Variants in NAV2 observed in about 807,000 individuals in gnomAD.
The protein encoded by NAV2 is neuron navigator 2, also known as helicase, APC down-regulated 1.
In NAV2, 54 loss-of-function variants were observed where a neutral mutation model predicts 223.2. That is an observed-to-expected ratio of 0.24 (90% CI 0.19 to 0.30). The LOEUF is 0.30. NAV2 is among the 10% of genes least tolerant of loss of function. The probability of loss-of-function intolerance (pLI) is 1.00; values close to 1 mark genes in which losing one functional copy is unlikely to be tolerated. For synonymous variants in NAV2, 1,279 were observed against 1,239.3 expected, an observed-to-expected ratio of 1.03 and a Z score of -0.67; for missense variants, 2,806 against 3,147.5, an observed-to-expected ratio of 0.89 and a Z score of 2.60.
chr11:19,755,581 A>G (rs535649777), intron 1 of NAV2, among the ~76,000 whole-genome samples: 2 of 152,320 alleles, frequency 1.3e-5, no homozygotes, highest in East Asian at 1.9e-4. Flanking sequence ...GACTCGCTCT[A>G]TGCTTCTCTC....
At chr11:19,381,878 T>C (rs568670922) in intron 1 of NAV2, among the ~76,000 whole-genome samples, 3 of 152,224 alleles carry the variant, frequency 2.0e-5, no homozygotes, top group Admixed American at 2.0e-4. Flanking sequence ...AGAGGGGCCG[T>C]TTCTGGGTTT....
At chr11:19,859,813 G>T (rs1199173968) in intron 3 of NAV2, among the ~76,000 whole-genome samples, 1 of 143,382 alleles carries the variant, frequency 7.0e-6, no homozygotes, top group Non-Finnish European at 1.5e-5. Context: ...CTGGCCGGGC[G>T]GGGGGCTGAC....
chr11:19,364,198 T>C (rs1162692895), intron 1 of NAV2, among the ~76,000 whole-genome samples: 1 of 152,104 alleles, frequency 6.6e-6, no homozygotes, highest in African/African-American at 2.4e-5. Flanking sequence ...GCTTGAAAAA[T>C]GCTTGTTATG....
chr11:19,575,045 C>T (rs1242640332), intron 1 of NAV2, among the ~76,000 whole-genome samples: 1 of 152,202 alleles, frequency 6.6e-6, no homozygotes, highest in African/African-American at 2.4e-5. Context: ...CTTTGCACTT[C>T]CAGCCCAGGC....
rs192119848 is a variant in NAV2 at position 19,762,167 on chromosome 11, C to T, written c.267+48205C>T. ...CTGAGGCAGGAGAATCACTGGAACC[C>T]GGAAGGTGGAGGCTGCAGTGAGCTG... On this transcript the variant is annotated intron_variant, in intron 1 of 37. Transcript: ENST00000349880. 2.3e-3 allele frequency among the ~76,000 whole-genome samples: 343 copies of T among 152,280 alleles called. 1 individual carries two copies. Among genetic ancestry groups the T allele is most frequent in the Non-Finnish European group, 3.5e-3 (237 of 68,016 alleles).
chr11:19,830,809 C>T lies in NAV2; in HGVS notation c.268-1675C>T, dbSNP rs956469976. On this transcript the variant is annotated intron_variant, in intron 1 of 37. Transcript: ENST00000349880. ...TTTTCTTTAATGATCTTTTAAATTT[C>T]AAGTTGGCTATTGTCATTACAAAGG... Among the ~76,000 whole-genome samples the T allele has an allele frequency of 4.6e-5, 7 of 152,266 alleles. No homozygotes were observed. In the East Asian group the frequency reaches 1.4e-3, roughly 29 times the overall value.
intron 10 of NAV2, among the ~76,000 whole-genome samples, chr11:19,949,368 T>C (rs2047198708): frequency 6.6e-6 from 1 of 152,222 alleles, no homozygotes; most frequent in Non-Finnish European, 1.5e-5. Flanking sequence ...ATGGACTACT[T>C]GCAGGTTAGA....
At chr11:19,806,128 A>T (rs1204078721) in intron 1 of NAV2, among the ~76,000 whole-genome samples, 2 of 152,192 alleles carry the variant, frequency 1.3e-5, no homozygotes, top group East Asian at 3.9e-4. Flanking sequence ...TTCCATCTTT[A>T]TAGAGTTTCT....
intron 6 of NAV2, among the ~76,000 whole-genome samples, chr11:19,931,609 A>AAAAAAAAAAAAAAAAAAG (rs10692495): frequency 7.3e-6 from 1 of 137,304 alleles, no homozygotes. Context: ...AAAAAAAAAA[A>AAAAAAAAAAAAAAAAAAG]GCAGAAGAAG....
intron 10 of NAV2, among the ~76,000 whole-genome samples, chr11:19,972,949 G>A (rs1454525836): frequency 1.3e-5 from 2 of 152,154 alleles, no homozygotes; most frequent in Non-Finnish European, 1.5e-5. Context: ...AGCCCTTCCT[G>A]CAGCCTCCCT....
At chr11:19,587,393 G>A (rs1241477342) in intron 1 of NAV2, among the ~76,000 whole-genome samples, 1 of 152,156 alleles carries the variant, frequency 6.6e-6, no homozygotes, top group African/African-American at 2.4e-5. Flanking sequence ...CCTGTACCCA[G>A]TGTCTGACAC....
chr11:19,543,113 A>C (rs11025178), intron 1 of NAV2, among the ~76,000 whole-genome samples: 28,466 of 152,200 alleles, frequency 0.19, 4,044 homozygotes, highest in African/African-American at 0.4. Context: ...AGATAGGGCC[A>C]TAAAAAGCAA....
In NAV2 at chr11:19,933,927, C is replaced by T. The variant is rs1303094240; in HGVS notation, c.1683C>T (p.His561=). ...AGAAGGAGCCCATGGCCCCTTCCCA[C>T]AGTGGAATACCAAAACCAGGAATGA... ...SAKKEPMAPS[H]SGIPKPGMKS... Residue 561 remains histidine, a synonymous_variant, in exon 7 of 38, where the codon CAC becomes CAT. Coordinates refer to ENST00000349880, the MANE Select transcript of NAV2 (RefSeq NM_145117.5). This position sits in a 1 kb window ranked among gnomAD's most constrained non-coding sequence, Gnocchi z 4.3. The T allele has an allele frequency of 6.3e-7, 1 of 1,590,402 alleles. No individual in the cohort carries two copies. The highest frequency in any genetic ancestry group is 1.1e-5 in the South Asian group (1 of 87,548).
At chr11:19,541,309 G>T (rs1281971495) in intron 1 of NAV2, among the ~76,000 whole-genome samples, 1 of 152,216 alleles carries the variant, frequency 6.6e-6, no homozygotes, top group African/African-American at 2.4e-5. Flanking sequence ...CCAAAAATGT[G>T]ACCTGCTTTC....
intron 6 of NAV2, among the ~76,000 whole-genome samples, chr11:19,914,900 G>A (rs888130229): frequency 3.9e-5 from 6 of 152,262 alleles, no homozygotes; most frequent in Non-Finnish European, 7.4e-5. Flanking sequence ...ATTTCTCCAT[G>A]GCCACCTTTT....
chr11:19,843,387 G>A (rs1340529706), intron 3 of NAV2, among the ~76,000 whole-genome samples: 2 of 152,190 alleles, frequency 1.3e-5, no homozygotes, highest in Non-Finnish European at 2.9e-5. Context: ...GACAGGAAAT[G>A]TGAAATGTGC....
At chr11:19,599,691 C>T (rs1302937438) in intron 1 of NAV2, among the ~76,000 whole-genome samples, 2 of 152,190 alleles carry the variant, frequency 1.3e-5, no homozygotes, top group Non-Finnish European at 2.9e-5. Context: ...TAATCTACTC[C>T]AGAGGCATCA....
At chr11:19,976,967 C>A (rs902158098) in intron 10 of NAV2, among the ~76,000 whole-genome samples, 2 of 152,148 alleles carry the variant, frequency 1.3e-5, no homozygotes, top group African/African-American at 4.8e-5. Flanking sequence ...CCCAAATCCT[C>A]CTAAAAAGAA....
chr11:19,699,027 T>TAG (rs1400430188), intron 1 of NAV2, among the ~76,000 whole-genome samples: 1 of 152,174 alleles, frequency 6.6e-6, no homozygotes, highest in African/African-American at 2.4e-5. Flanking sequence ...AGCCACCTGC[T>TAG]AGAGAAAGGC....
Sources: allele counts gnomAD v4.1 joint callset (sites outside exome capture counted in the v4.1 genomes callset), GRCh38; gene constraint gnomAD v4.1.1; non-coding constraint Gnocchi (gnomAD v3.1); transcripts MANE v1.5; gene names NCBI Gene and HGNC (gene_info 2026-07-23, HGNC 2026-07-21).